DMXL2: variants seen among roughly 807,000 people sequenced by gnomAD.
DMXL2 encodes Dmx like 2, also known as dmX-like protein 2.
A neutral mutation model predicts 331.1 loss-of-function variants in DMXL2; 103 were observed. The ratio of observed to expected loss-of-function variants is 0.31; its 90% CI spans 0.27 to 0.37. The LOEUF (loss-of-function observed/expected upper bound fraction) is 0.37, where lower values mean the gene tolerates loss of function less well. Among genes scored for constraint, DMXL2 ranks in the 10% least tolerant of loss-of-function variants. DMXL2 has a pLI of 1.00. For synonymous variants in DMXL2, 1,281 were observed against 1,252.1 expected, an observed-to-expected ratio of 1.02 and a Z score of -0.49; for missense variants, 3,171 against 3,642.9, an observed-to-expected ratio of 0.87 and a Z score of 3.33.
chr15:51,576,707 CT>C (rs2051073236), intron 1 of DMXL2, among the ~76,000 whole-genome samples: 2 of 152,248 alleles, frequency 1.3e-5, no homozygotes, highest in Admixed American at 1.3e-4. Context: ...AATGGCTAAA[CT>C]TAAATGCATC....
intron 13 of DMXL2, among the ~76,000 whole-genome samples, chr15:51,518,512 G>A (rs968641345): frequency 6.6e-6 from 1 of 152,100 alleles, no homozygotes. Context: ...TTTTATGAAT[G>A]CATACTTACT....
rs755836624 is a variant in DMXL2, at chr15:51,564,188, T to A, written c.437A>T (p.Glu146Val). The A allele has an allele frequency of 6.2e-7, 1 of 1,608,326 alleles. No individual in the cohort carries two copies. The highest frequency in any genetic ancestry group is 1.7e-5 in the Admixed American group (1 of 58,840). The change falls in exon 5 of 44, where the codon GAG becomes GTG. Residue 146 changes from glutamate to valine, a missense_variant. Glu to Val is a moderately radical substitution (Grantham distance 121). Coordinates refer to ENST00000560891, the MANE Select transcript of DMXL2 (RefSeq NM_001378457.1). ...AGGAACTGTATTATCAATTTCTTCC[T>A]CCTCTTCCAGAATATCATCTCCTGG... Reference protein sequence around the residue: ...APPGDDILEEEEEIDNTVPPV... With the variant: ...APPGDDILEEVEEIDNTVPPV...
intron 25 of DMXL2, among the ~76,000 whole-genome samples, chr15:51,478,893 T>C (rs16964385): frequency 0.015 from 2,267 of 149,686 alleles, 56 homozygotes; most frequent in African/African-American, 0.053. Flanking sequence ...AATTTTACAT[T>C]TAGAAAGTTT....
At chr15:51,502,303 GGTTT>G (rs1256060500) in intron 17 of DMXL2, among the ~76,000 whole-genome samples, 1 of 99,200 alleles carries the variant, frequency 1.0e-5, no homozygotes, top group Non-Finnish European at 2.1e-5. Flanking sequence ...AAATTTTGTG[GGTTT>G]GTGTGTGTGT....
chr15:51,544,412 C>A (rs1467058470), intron 8 of DMXL2, among the ~76,000 whole-genome samples: 1 of 152,144 alleles, frequency 6.6e-6, no homozygotes, highest in Admixed American at 6.5e-5. Flanking sequence ...CCTGTGGCCT[C>A]CCTAGAAGCC....
At position 51,480,611 on chromosome 15, in the gene DMXL2, A is replaced by G. The variant is rs2041940501; in HGVS notation, c.6495T>C (p.His2165=). Residue 2165 remains histidine (H), a synonymous_variant, in exon 24 of 44, where the codon CAT becomes CAC. Coordinates refer to ENST00000560891, the MANE Select transcript of DMXL2 (RefSeq NM_001378457.1). The part of the protein sequence containing the change: ...LRVFLSYCSL[H]GAQGGGLASV... ...AAGCCAAACCACCACCTTGGGCCCC[A>G]TGAAGGCTACAGTAGCTGAGAAATA... The G allele has an allele frequency of 1.0e-5, 16 of 1,592,638 alleles. No individual in the cohort carries two copies. The highest frequency in any genetic ancestry group is 1.0e-5 in the Non-Finnish European group (12 of 1,166,072).
Position 51,474,489 on chromosome 15 carries a change from T to G in DMXL2, c.7068A>C (p.Leu2356Phe), listed in dbSNP as rs149524606. 1 of 1,614,164 alleles carries G rather than the reference T, an allele frequency of 6.2e-7. No homozygotes were observed. The highest frequency in any genetic ancestry group is 8.5e-7 in the Non-Finnish European group (1 of 1,179,994). ...CEAVVAVYLSLLIHALATNSS... is the reference protein window; with the variant it reads ...CEAVVAVYLSFLIHALATNSS... ...AATTTGTGGCAAGAGCATGTATCAA[T>G]AAACTTAAGTAAACAGCAACAACAG... Residue 2356 changes from leucine (L) to phenylalanine (F), a missense_variant, in exon 28 of 44, where the codon TTA becomes TTC. Leu to Phe is a conservative substitution (Grantham distance 22). Transcript: ENST00000560891.
At chr15:51,544,733 A>T (rs1158337056) in intron 8 of DMXL2, among the ~76,000 whole-genome samples, 1 of 152,212 alleles carries the variant, frequency 6.6e-6, no homozygotes, top group African/African-American at 2.4e-5. Flanking sequence ...AGTATAAAAA[A>T]CTTATAAAGT....
intron 8 of DMXL2, among the ~76,000 whole-genome samples, chr15:51,543,864 T>C (rs916082722): frequency 6.6e-6 from 1 of 152,064 alleles, no homozygotes; most frequent in Non-Finnish European, 1.5e-5. Context: ...TAACAAACAC[T>C]TGAAAAGCAA....
chr15:51,622,757 C>T lies in DMXL2; in HGVS notation c.-212G>A, dbSNP rs1278115589. 2.2e-6 allele frequency: 2 copies of T among 889,570 alleles called. No individual in the cohort carries two copies. Among genetic ancestry groups the T allele is most frequent in the East Asian group, 3.0e-5 (1 of 33,178 alleles). 55.1% of individuals were successfully genotyped at this position (889,570 alleles called of 1,614,324 possible). ...ACCGCCGCCGCCGCCCGGGTCGCCG[C>T]TCAGCTGCGGAAATGCCCGGATGTT... On this transcript the variant is annotated 5_prime_UTR_variant, in exon 1 of 44. Coordinates refer to ENST00000560891, the MANE Select transcript of DMXL2 (RefSeq NM_001378457.1).
intron 33 of DMXL2, chr15:51,463,125 A>T: frequency 3.7e-6 from 1 of 270,008 alleles, no homozygotes; most frequent in Non-Finnish European, 7.0e-6. Context: ...ATGTGTAAAA[A>T]CCTAATGACA....
intron 2 of DMXL2, among the ~76,000 whole-genome samples, chr15:51,575,017 A>G (rs2050926642): frequency 2.0e-5 from 3 of 152,190 alleles, no homozygotes; most frequent in Admixed American, 2.0e-4. Flanking sequence ...ACTAAGTGTA[A>G]GCAATGCTTG....
intron 31 of DMXL2, 133 bp downstream of exon 31, chr15:51,465,433 A>G (rs2040486322): frequency 1.4e-6 from 1 of 732,462 alleles, no homozygotes; most frequent in Non-Finnish European, 2.3e-6. Context: ...AGCCTAAAAT[A>G]AACAAGACTT....
At chr15:51,452,388 A>G in intron 41 of DMXL2, among the ~76,000 whole-genome samples, 1 of 152,190 alleles carries the variant, frequency 6.6e-6, no homozygotes, top group East Asian at 1.9e-4. Context: ...ACTTATATCT[A>G]GAATCTACAA....
chr15:51,607,431 G>A (rs2053666993), intron 1 of DMXL2, among the ~76,000 whole-genome samples: 1 of 151,990 alleles, frequency 6.6e-6, no homozygotes, highest in Admixed American at 6.5e-5. Context: ...ACTCCAGCCT[G>A]AGCGACAGAG....
intron 1 of DMXL2, among the ~76,000 whole-genome samples, chr15:51,583,397 A>C (rs1485903944): frequency 1.4e-5 from 1 of 73,734 alleles, no homozygotes; most frequent in Non-Finnish European, 2.8e-5. Flanking sequence ...TGTTCTTGCG[A>C]TAGTTTACTG....
chr15:51,546,793 T>C (rs1025618299), intron 7 of DMXL2, among the ~76,000 whole-genome samples: 1 of 152,130 alleles, frequency 6.6e-6, no homozygotes, highest in Non-Finnish European at 1.5e-5. Flanking sequence ...CATTATATGC[T>C]TTAACACCAT....
Position 51,599,344 on chromosome 15 carries a change from A to G in DMXL2, c.87+23115T>C, listed in dbSNP as rs116231841. On this transcript the variant is annotated intron_variant, in intron 1 of 43. Transcript: ENST00000560891. ...CTAGATGCCAGTTGTGTTCACTGCT[A>G]CAGGGGTATCACTGCTTCTAGGCCT... Among the ~76,000 whole-genome samples the G allele has an allele frequency of 3.6e-3, 555 of 152,350 alleles. 6 individuals are homozygous for G. Among genetic ancestry groups the G allele is most frequent in the African/African-American group, 0.013 (533 of 41,584 alleles).
chr15:51,566,619 A>G (rs1363565131), intron 3 of DMXL2, among the ~76,000 whole-genome samples: 1 of 152,184 alleles, frequency 6.6e-6, no homozygotes, highest in Non-Finnish European at 1.5e-5. Context: ...CAATACTATT[A>G]TAGGGAAAGA....
Sources: allele counts gnomAD v4.1 joint callset (sites outside exome capture counted in the v4.1 genomes callset), GRCh38; gene constraint gnomAD v4.1.1; transcripts MANE v1.5; gene names NCBI Gene and HGNC (gene_info 2026-07-23, HGNC 2026-07-21).